The following SYNJ2 variants were observed in gnomAD, a reference collection of about 807,000 sequenced individuals.
SYNJ2 encodes the protein synaptojanin 2, also known as polyphosphatidylinositol phosphatase SYNJ2.
A neutral mutation model predicts 141.3 loss-of-function variants in SYNJ2; 116 were observed. That is an observed-to-expected ratio of 0.82 (90% confidence interval 0.71 to 0.96). SYNJ2 has a LOEUF of 0.96. Ranked by LOEUF, SYNJ2 falls within the 40% of genes least tolerant of loss-of-function variation. The probability of loss-of-function intolerance (pLI) is 0.00; values close to 1 mark genes in which losing one functional copy is unlikely to be tolerated. For synonymous variants in SYNJ2, 745 were observed against 777.7 expected (o/e 0.96, Z 0.70); for missense variants, 1,873 against 1,934.8 (o/e 0.97, Z 0.60).
chr6:157,989,052 C>T (rs1004638013), intron 1 of SYNJ2, among the ~76,000 whole-genome samples: 2 of 152,082 alleles, frequency 1.3e-5, no homozygotes, highest in East Asian at 1.9e-4. Context: ...GAATGAAAAC[C>T]GGAGTGCTTA....
At chr6:157,986,292 C>A (rs1053658902) in intron 1 of SYNJ2, among the ~76,000 whole-genome samples, 1 of 152,216 alleles carries the variant, frequency 6.6e-6, no homozygotes, top group Non-Finnish European at 1.5e-5. Flanking sequence ...GCTGTCTCAG[C>A]GTAGTGTTTA....
intron 1 of SYNJ2, among the ~76,000 whole-genome samples, chr6:158,007,053 C>T (rs1778099894): frequency 6.6e-6 from 1 of 152,138 alleles, no homozygotes; most frequent in Admixed American, 6.5e-5. Context: ...GCAGCCTCCA[C>T]CTCCCAGGTT....
intron 15 of SYNJ2, among the ~76,000 whole-genome samples, chr6:158,073,667 A>C (rs1782081638): frequency 6.6e-6 from 1 of 152,196 alleles, no homozygotes; most frequent in Non-Finnish European, 1.5e-5. Flanking sequence ...TGGCACAGAG[A>C]ACATTTCGGT....
At chr6:158,005,279 A>G (rs1016652511) in intron 1 of SYNJ2, among the ~76,000 whole-genome samples, 16 of 152,072 alleles carry the variant, frequency 1.1e-4, no homozygotes, top group South Asian at 4.2e-4. Context: ...GGGTTTCACC[A>G]TGTTAGCCAG....
chr6:158,039,270 T>G (rs1779807423), intron 4 of SYNJ2, among the ~76,000 whole-genome samples: 1 of 152,266 alleles, frequency 6.6e-6, no homozygotes, highest in Admixed American at 6.5e-5. Context: ...ACAGTTAGTA[T>G]GCTCCTGCGA....
rs757732128 is a variant in SYNJ2, at chr6:158,019,964, A to G, written c.214+2674A>G. On this transcript the variant is annotated intron_variant, in intron 2 of 26. Transcript: ENST00000355585. ...AGTCCCTGACCCAGAACTGTGATCT[A>G]TTTTCTTTTGTGTTTTCAGCTGTTG... Among the ~76,000 whole-genome samples, 9 of 151,482 alleles carry G rather than the reference A, an allele frequency of 5.9e-5. No individual in the cohort carries two copies. In the South Asian group the frequency reaches 6.3e-4, roughly 11 times the overall value.
At chr6:158,007,742 AAG>A (rs1439968309) in intron 1 of SYNJ2, among the ~76,000 whole-genome samples, 1 of 152,100 alleles carries the variant, frequency 6.6e-6, no homozygotes. Flanking sequence ...TCCCAGGTTT[AAG>A]CAATTTTCCT....
chr6:158,053,093 A>G (rs1273508903), intron 5 of SYNJ2, among the ~76,000 whole-genome samples: 1 of 152,200 alleles, frequency 6.6e-6, no homozygotes, highest in Non-Finnish European at 1.5e-5. Flanking sequence ...CTACATTTAC[A>G]TTTTCCTAGT....
intron 7 of SYNJ2, among the ~76,000 whole-genome samples, chr6:158,061,769 C>T (rs117239011): frequency 5.0e-4 from 76 of 152,318 alleles, no homozygotes; most frequent in Non-Finnish European, 8.1e-4. Flanking sequence ...ACCTTCTGCC[C>T]TTTCGCAGGC....
chr6:158,007,161 T>G (rs1226202175), intron 1 of SYNJ2, among the ~76,000 whole-genome samples: 1 of 151,770 alleles, frequency 6.6e-6, no homozygotes, highest in Non-Finnish European at 1.5e-5. Context: ...AGAGATGGAG[T>G]CTCCCTATGT....
intron 15 of SYNJ2, among the ~76,000 whole-genome samples, chr6:158,072,552 G>A (rs1562383541): frequency 2.0e-5 from 3 of 152,154 alleles, no homozygotes; most frequent in East Asian, 3.8e-4. Context: ...GGGTCACAGA[G>A]CTCTTCCCTG....
intron 5 of SYNJ2, among the ~76,000 whole-genome samples, chr6:158,045,200 C>T (rs112221968): frequency 0.016 from 2,460 of 151,386 alleles, 33 homozygotes; most frequent in Non-Finnish European, 0.027. Flanking sequence ...ATCTGCCCCC[C>T]GAGTTCAAGC....
intron 4 of SYNJ2, among the ~76,000 whole-genome samples, chr6:158,038,623 T>C (rs181423892): frequency 7.9e-5 from 12 of 152,332 alleles, no homozygotes; most frequent in African/African-American, 2.6e-4. Context: ...AGTCCAGGGC[T>C]GTCCACGTGG....
chr6:158,050,633 G>A (rs1583409615), intron 5 of SYNJ2, among the ~76,000 whole-genome samples: 1 of 152,174 alleles, frequency 6.6e-6, no homozygotes, highest in East Asian at 1.9e-4. Flanking sequence ...TGTCCGGGCT[G>A]TGCCTTCTGC....
intron 4 of SYNJ2, among the ~76,000 whole-genome samples, chr6:158,039,625 G>C (rs1380134169): frequency 6.6e-6 from 1 of 152,242 alleles, no homozygotes; most frequent in African/African-American, 2.4e-5. Context: ...GGAGCAGACT[G>C]TCTGGCGCTT....
At chr6:158,092,554 T>A (rs2477809) in intron 25 of SYNJ2, among the ~76,000 whole-genome samples, 3 of 152,032 alleles carry the variant, frequency 2.0e-5, no homozygotes, top group African/African-American at 4.8e-5. Flanking sequence ...GTAAGAAGAC[T>A]GCATGAGCCC....
Position 158,070,487 on chromosome 6 carries a change from T to G in SYNJ2, c.1940+814T>G. On this transcript the variant is annotated intron_variant, in intron 14 of 26. Coordinates refer to ENST00000355585, the MANE Select transcript of SYNJ2 (RefSeq NM_003898.4). This position sits in a 1 kb window ranked among gnomAD's most constrained non-coding sequence, Gnocchi z 4.0. ...GTGTTATTTGGGCAGCTTGGCAGTG[T>G]CCTAGGTTAGCAGGTGAAGGTTAGT... 1 of 985,470 alleles carries G rather than the reference T, an allele frequency of 1.0e-6. No homozygotes were observed. The highest frequency in any genetic ancestry group is 1.2e-6 in the Non-Finnish European group (1 of 830,038). 61.0% of individuals were successfully genotyped at this position (985,470 alleles called of 1,614,324 possible).
At chr6:158,089,110 A>G (rs114592230) in intron 24 of SYNJ2, among the ~76,000 whole-genome samples, 1,808 of 152,258 alleles carry the variant, frequency 0.012, 37 homozygotes, top group African/African-American at 0.041. Flanking sequence ...TCAGGTCGTT[A>G]TCCTGGGAAA....
rs757492090 is a variant in SYNJ2, at chr6:158,071,579, A to G, written c.1941-23A>G. The G allele has an allele frequency of 8.1e-6, 13 of 1,605,812 alleles. No homozygotes were observed. Among genetic ancestry groups the G allele is most frequent in the Non-Finnish European group, 6.0e-6 (7 of 1,175,612 alleles). Reference sequence around the variant, plus strand: ...CACTTCTCCTTCAGGAGCCGACGGCATGCGCGTATCCTTCTGTTCCAGGGA... The same window carrying G: ...CACTTCTCCTTCAGGAGCCGACGGCGTGCGCGTATCCTTCTGTTCCAGGGA... On this transcript the variant is annotated intron_variant, in intron 14 of 26. Coordinates refer to ENST00000355585, the MANE Select transcript of SYNJ2 (RefSeq NM_003898.4). The surrounding 1 kb of genome is among the most constrained non-coding windows in gnomAD (Gnocchi z 4.3).
Sources: allele counts gnomAD v4.1 joint callset (sites outside exome capture counted in the v4.1 genomes callset), GRCh38; gene constraint gnomAD v4.1.1; non-coding constraint Gnocchi (gnomAD v3.1); transcripts MANE v1.5; gene names NCBI Gene and HGNC (gene_info 2026-07-23, HGNC 2026-07-21).